WWC2: variants seen among roughly 807,000 people sequenced by gnomAD.
WWC2 encodes protein WWC2.
WWC2 carries 101 observed loss-of-function variants against 138.5 expected under a neutral mutation model. The observed-to-expected ratio is 0.73, with a 90% CI of 0.62 to 0.86. The LOEUF (loss-of-function observed/expected upper bound fraction) is 0.86, where lower values mean the gene tolerates loss of function less well. Ranked by LOEUF, WWC2 falls within the 40% of genes least tolerant of loss-of-function variation. WWC2 has a pLI of 0.00. For synonymous variants in WWC2, 558 were observed against 538.4 expected (o/e 1.04, Z -0.50); for missense variants, 1,420 against 1,419.4 (o/e 1.00, Z -0.01).
Position 183,320,029 on chromosome 4 carries a change from A to G in WWC2, c.*4300A>G. 5 of 1,613,890 alleles carry G rather than the reference A, an allele frequency of 3.1e-6. No individual in the cohort carries two copies. The highest frequency in any genetic ancestry group is 3.4e-6 in the Non-Finnish European group (4 of 1,179,844). ...GCCAGGAAGGAGTCAAAGTCCTTGCATTGCATCCCCACTTCCTCTTGGATG... is the reference window on the plus strand; with the variant it reads ...GCCAGGAAGGAGTCAAAGTCCTTGCGTTGCATCCCCACTTCCTCTTGGATG... On this transcript the variant is annotated 3_prime_UTR_variant, in exon 23 of 23. Transcript: ENST00000403733.
At chr4:183,137,846 T>G (rs1733171403) in intron 1 of WWC2, among the ~76,000 whole-genome samples, 1 of 152,224 alleles carries the variant, frequency 6.6e-6, no homozygotes, top group South Asian at 2.1e-4. Context: ...ATGACTGTAC[T>G]TGACTTTTCG....
chr4:183,132,457 C>CTTT (rs761800223), intron 1 of WWC2, among the ~76,000 whole-genome samples: 1 of 142,614 alleles, frequency 7.0e-6, no homozygotes, highest in Non-Finnish European at 1.5e-5. Flanking sequence ...TTTTCTGTTT[C>CTTT]TTTTTTTTTT....
At chr4:183,136,791 GTTC>G (rs566550106) in intron 1 of WWC2, among the ~76,000 whole-genome samples, 12 of 152,282 alleles carry the variant, frequency 7.9e-5, no homozygotes, top group South Asian at 4.1e-4. Flanking sequence ...GTCCAGGATA[GTTC>G]TTCTTCTTCC....
At chr4:183,159,675 G>T (rs1234409522) in intron 1 of WWC2, among the ~76,000 whole-genome samples, 2 of 150,208 alleles carry the variant, frequency 1.3e-5, no homozygotes, top group Non-Finnish European at 2.9e-5. Context: ...AAAGTGCTGG[G>T]ATTACAGGCA....
rs1739575176 is a variant in WWC2, at chr4:183,319,816, C to G, written c.*4087C>G. 3 of 1,613,982 alleles carry G rather than the reference C, an allele frequency of 1.9e-6. No homozygotes were observed. In the South Asian group the frequency reaches 3.3e-5, roughly 18 times the overall value. On this transcript the variant is annotated 3_prime_UTR_variant, in exon 23 of 23. Coordinates refer to ENST00000403733, the MANE Select transcript of WWC2 (RefSeq NM_024949.6). The stretch of plus-strand genomic sequence containing the variant: ...TTGTGGGCAACCCAAGAGACGGGAA[C>G]CAGGGCTGTGACTCCCGAGGCCCAG...
At position 183,116,984 on chromosome 4, in the gene WWC2, A is replaced by G. The variant is rs138803479; in HGVS notation, c.131+17362A>G. ...TTTTAGAGGCTGAGATCTATATGCT[A>G]TAAATCCTCTTCATTCCTGTCCTGT... On this transcript the variant is annotated intron_variant, in intron 1 of 22. Coordinates refer to ENST00000403733, the MANE Select transcript of WWC2 (RefSeq NM_024949.6). 2.8e-3 allele frequency among the ~76,000 whole-genome samples: 429 copies of G among 152,196 alleles called. 15 individuals are homozygous for G. Among genetic ancestry groups the G allele is most frequent in the Non-Finnish European group, 6.0e-4 (41 of 68,006 alleles).
At chr4:183,306,918 A>G (rs2111111861) in intron 21 of WWC2, among the ~76,000 whole-genome samples, 1 of 150,554 alleles carries the variant, frequency 6.6e-6, no homozygotes, top group Middle Eastern at 3.5e-3. Context: ...AAGTGGATGA[A>G]TTCATTATTA....
chr4:183,274,505 G>A (rs1387814251), intron 16 of WWC2, among the ~76,000 whole-genome samples: 4 of 152,082 alleles, frequency 2.6e-5, no homozygotes, highest in Non-Finnish European at 4.4e-5. Context: ...ATTTGAAGGA[G>A]GCACATGTCA....
At chr4:183,165,925 TG>T (rs1174977860) in intron 1 of WWC2, among the ~76,000 whole-genome samples, 8 of 152,210 alleles carry the variant, frequency 5.3e-5, no homozygotes, top group Non-Finnish European at 1.2e-4. Context: ...GATGACAAAG[TG>T]TCTCATTTAT....
At chr4:183,209,051 A>G (rs757969369) in intron 4 of WWC2, 26 bp downstream of exon 4, 2 of 1,482,772 alleles carry the variant, frequency 1.3e-6, no homozygotes, top group East Asian at 2.4e-5. Context: ...TTGTGGTTCT[A>G]TGTTGACCCA....
intron 1 of WWC2, among the ~76,000 whole-genome samples, chr4:183,100,512 C>T (rs1213867656): frequency 6.6e-6 from 1 of 152,080 alleles, no homozygotes; most frequent in Non-Finnish European, 1.5e-5. Flanking sequence ...GGAGATATTC[C>T]TAATTGTAAA....
At chr4:183,108,420 C>T (rs1239957511) in intron 1 of WWC2, among the ~76,000 whole-genome samples, 1 of 151,990 alleles carries the variant, frequency 6.6e-6, no homozygotes, top group East Asian at 1.9e-4. Context: ...TATAAAATAC[C>T]TGACCAGTAC....
At chr4:183,301,606 T>C (rs1738841973) in intron 21 of WWC2, among the ~76,000 whole-genome samples, 2 of 152,232 alleles carry the variant, frequency 1.3e-5, no homozygotes, top group Admixed American at 1.3e-4. Flanking sequence ...TTTATAAGTA[T>C]TTGCTGAATA....
intron 14 of WWC2, among the ~76,000 whole-genome samples, chr4:183,268,100 C>T (rs1737565921): frequency 6.6e-6 from 1 of 152,064 alleles, no homozygotes; most frequent in Admixed American, 6.5e-5. Flanking sequence ...ATATGAAATA[C>T]AAAATAATAT....
chr4:183,207,495 G>T (rs752980008), intron 2 of WWC2, among the ~76,000 whole-genome samples: 1 of 152,184 alleles, frequency 6.6e-6, no homozygotes, highest in Non-Finnish European at 1.5e-5. Flanking sequence ...TGTCATTACT[G>T]TTGCGGACAT....
chr4:183,220,933 A>G (rs1288417803), intron 4 of WWC2, among the ~76,000 whole-genome samples: 4 of 152,192 alleles, frequency 2.6e-5, no homozygotes, highest in African/African-American at 9.6e-5. Flanking sequence ...AGGCAAGAAT[A>G]GAGGAAGAAA....
intron 2 of WWC2, among the ~76,000 whole-genome samples, chr4:183,196,944 C>T (rs1214377516): frequency 1.3e-5 from 2 of 152,112 alleles, no homozygotes; most frequent in African/African-American, 4.8e-5. Context: ...TTTCATATTG[C>T]ATTTATATTA....
intron 1 of WWC2, among the ~76,000 whole-genome samples, chr4:183,190,868 CTATTCT>C (rs779545591): frequency 5.3e-5 from 8 of 152,158 alleles, no homozygotes; most frequent in Non-Finnish European, 1.0e-4. Flanking sequence ...TTATAACTTC[CTATTCT>C]TAAAGTAATA....
chr4:183,136,443 T>G (rs1373023310), intron 1 of WWC2, among the ~76,000 whole-genome samples: 2 of 152,214 alleles, frequency 1.3e-5, no homozygotes, highest in Admixed American at 1.3e-4. Context: ...TCTCATTGGT[T>G]CATTTTCAAA....
Sources: allele counts gnomAD v4.1 joint callset (sites outside exome capture counted in the v4.1 genomes callset), GRCh38; gene constraint gnomAD v4.1.1; transcripts MANE v1.5; gene names NCBI Gene and HGNC (gene_info 2026-07-23, HGNC 2026-07-21).